PTPRD: variants seen among roughly 807,000 people sequenced by gnomAD.
The protein encoded by PTPRD is protein tyrosine phosphatase receptor type D.
In PTPRD, 34 loss-of-function variants were observed where a neutral mutation model predicts 214.5. The ratio of observed to expected loss-of-function variants is 0.16; its 90% CI spans 0.12 to 0.21. The LOEUF is 0.21. PTPRD is among the 10% of genes least tolerant of loss of function. The pLI is 1.00. For synonymous variants in PTPRD, 1,128 were observed against 845.7 expected (o/e 1.33, Z -5.79); for missense variants, 2,545 against 2,398.7 (o/e 1.06, Z -1.27).
At chr9:8,784,638 G>A (rs550272855) in intron 11 of PTPRD, among the ~76,000 whole-genome samples, 8 of 127,286 alleles carry the variant, frequency 6.3e-5, no homozygotes, top group Admixed American at 7.5e-5. Context: ...CTGAGAAAGA[G>A]CTCTTATCTC....
chr9:10,547,142 C>A (rs1413566081), intron 2 of PTPRD, among the ~76,000 whole-genome samples: 1 of 152,064 alleles, frequency 6.6e-6, no homozygotes, highest in African/African-American at 2.4e-5. Context: ...TCAATATCAA[C>A]AGAAGAATTG....
intron 2 of PTPRD, among the ~76,000 whole-genome samples, chr9:10,445,150 G>A (rs187915370): frequency 0.014 from 2,152 of 152,024 alleles, 38 homozygotes; most frequent in African/African-American, 0.046. Flanking sequence ...AGAGCATAAA[G>A]GTACAAGAAA....
chr9:8,402,319 G>A (rs1432950022), intron 36 of PTPRD, among the ~76,000 whole-genome samples: 1 of 152,086 alleles, frequency 6.6e-6, no homozygotes, highest in East Asian at 1.9e-4. Flanking sequence ...GCATAGGAAC[G>A]AAATGTGCAT....
intron 2 of PTPRD, among the ~76,000 whole-genome samples, chr9:10,544,657 A>C (rs753154805): frequency 3.9e-5 from 6 of 152,174 alleles, no homozygotes; most frequent in Admixed American, 2.0e-4. Context: ...AGGTCAGACA[A>C]TCATTTTAAA....
intron 5 of PTPRD, among the ~76,000 whole-genome samples, chr9:9,865,679 C>A (rs905686737): frequency 6.6e-6 from 1 of 152,134 alleles, no homozygotes; most frequent in Non-Finnish European, 1.5e-5. Context: ...CTGTAATTAC[C>A]ATCAAGATCA....
In PTPRD at chr9:10,483,253, C is replaced by T. The variant is rs1327701899; in HGVS notation, c.-600+129145G>A. Among the ~76,000 whole-genome samples, 9 of 152,128 alleles carry T rather than the reference C, an allele frequency of 5.9e-5. No homozygotes were observed. The East Asian group carries it at 1.7e-3, about 29-fold the overall frequency. ...CACGTGTAGAAAAATGAAACTGGAT[C>T]CTTATTTCTCACCATGTACAAAAAT... On this transcript the variant is annotated intron_variant, in intron 2 of 45. Coordinates refer to ENST00000381196, the MANE Select transcript of PTPRD (RefSeq NM_002839.4).
intron 8 of PTPRD, among the ~76,000 whole-genome samples, chr9:9,545,592 T>C (rs571225286): frequency 1.3e-5 from 2 of 152,036 alleles, no homozygotes; most frequent in South Asian, 4.1e-4. Context: ...AGTTTTTGCA[T>C]GGACCAAAAT....
intron 35 of PTPRD, among the ~76,000 whole-genome samples, chr9:8,405,244 G>A (rs1589620646): frequency 6.6e-6 from 1 of 152,256 alleles, no homozygotes; most frequent in South Asian, 2.1e-4. Context: ...GAACAGTAAA[G>A]AAGGGAGGTC....
intron 14 of PTPRD, among the ~76,000 whole-genome samples, chr9:8,532,764 T>A (rs2076038536): frequency 6.6e-6 from 1 of 152,036 alleles, no homozygotes; most frequent in East Asian, 1.9e-4. Context: ...TACTACATAC[T>A]TGTGCTTAGT....
intron 11 of PTPRD, among the ~76,000 whole-genome samples, chr9:8,848,340 GT>G (rs2097746121): frequency 1.4e-5 from 1 of 72,922 alleles, no homozygotes; most frequent in African/African-American, 4.2e-5. Flanking sequence ...TTTTTTTTTA[GT>G]TTTTTGCTTT....
chr9:9,686,975 G>C (rs1187162824), intron 7 of PTPRD, among the ~76,000 whole-genome samples: 1 of 151,726 alleles, frequency 6.6e-6, no homozygotes, highest in African/African-American at 2.4e-5. Flanking sequence ...CCTTGCCAAA[G>C]ACTTCTACCT....
intron 20 of PTPRD, 33 bp downstream of exon 20, chr9:8,521,244 C>G (rs3818346): frequency 1.9e-6 from 3 of 1,585,374 alleles, no homozygotes; most frequent in East Asian, 2.2e-5. Flanking sequence ...TTGAGTGTAC[C>G]CAGATCCTCA....
intron 3 of PTPRD, among the ~76,000 whole-genome samples, chr9:10,314,304 G>A (rs572675146): frequency 6.6e-6 from 1 of 151,892 alleles, no homozygotes; most frequent in Admixed American, 6.6e-5. Flanking sequence ...TAAAAAGGGT[G>A]AAATTTCCAA....
At chr9:8,884,983 G>C (rs767034740) in intron 11 of PTPRD, among the ~76,000 whole-genome samples, 1 of 152,160 alleles carries the variant, frequency 6.6e-6, no homozygotes, top group Non-Finnish European at 1.5e-5. Context: ...ATCAGTGAGG[G>C]GGAATACAAC....
intron 10 of PTPRD, among the ~76,000 whole-genome samples, chr9:9,070,693 C>A (rs920587478): frequency 6.6e-6 from 1 of 152,118 alleles, no homozygotes; most frequent in Admixed American, 6.5e-5. Flanking sequence ...TGTACTGAAG[C>A]CTCATTTGAA....
intron 11 of PTPRD, among the ~76,000 whole-genome samples, chr9:8,827,377 T>G (rs949588815): frequency 9.9e-5 from 15 of 152,030 alleles, no homozygotes; most frequent in African/African-American, 3.6e-4. Context: ...GAGGCCAAGG[T>G]GGGTGGATCA....
At chr9:9,123,953 G>A (rs1474429685) in intron 10 of PTPRD, among the ~76,000 whole-genome samples, 1 of 150,292 alleles carries the variant, frequency 6.7e-6, no homozygotes, top group South Asian at 2.1e-4. Context: ...CTCAGAAAAA[G>A]TAAATTGACC....
At chr9:8,418,568 AT>A (rs138694040) in intron 35 of PTPRD, among the ~76,000 whole-genome samples, 20,632 of 146,090 alleles carry the variant, frequency 0.14, 1,340 homozygotes, top group South Asian at 0.16. Flanking sequence ...TGTAAAATAC[AT>A]TTTTTTTTTT....
chr9:9,714,684 A>G (rs1451277423), intron 7 of PTPRD, among the ~76,000 whole-genome samples: 3 of 152,168 alleles, frequency 2.0e-5, no homozygotes, highest in Non-Finnish European at 4.4e-5. Context: ...GTGAGTACTG[A>G]AGAGTGGTGG....
Sources: gnomAD v4.1 joint callset for allele counts (sites outside exome capture counted in the v4.1 genomes callset) on GRCh38, gnomAD v4.1.1 for gene constraint, MANE v1.5 for transcripts, NCBI Gene and HGNC (gene_info 2026-07-23, HGNC 2026-07-21) for gene names.